The following FAM193B variants were observed in gnomAD, a reference collection of about 807,000 sequenced individuals.
FAM193B encodes protein FAM193B.
A neutral mutation model predicts 70.7 loss-of-function variants in FAM193B; 27 were observed. The observed-to-expected ratio is 0.38, with a 90% CI of 0.28 to 0.53. The LOEUF is 0.53. Among genes scored for constraint, FAM193B ranks in the 20% least tolerant of loss-of-function variants. The pLI is 0.81. For synonymous variants in FAM193B, 448 were observed against 436.0 expected (o/e 1.03, Z -0.34); for missense variants, 1,022 against 1,072.5 (o/e 0.95, Z 0.66).
Position 177,532,394 on chromosome 5 carries a change from T to C in FAM193B, c.1275+49A>G, listed in dbSNP as rs1488928615. On this transcript the variant is annotated intron_variant, in intron 5 of 8. Coordinates refer to ENST00000514747, the MANE Select transcript of FAM193B (RefSeq NM_001190946.3). This position sits in a 1 kb window ranked among gnomAD's most constrained non-coding sequence, Gnocchi z 4.9. ...GGGGAGAGCAGGGTGCTCCTTTTGCTCACCTTGGCTGGCCCCCAGCCCTCT... is the reference window on the plus strand; with the variant it reads ...GGGGAGAGCAGGGTGCTCCTTTTGCCCACCTTGGCTGGCCCCCAGCCCTCT... 6.4e-7 allele frequency: 1 copy of C among 1,566,912 alleles called. No individual in the cohort carries two copies. Among genetic ancestry groups the C allele is most frequent in the African/African-American group, 1.4e-5 (1 of 73,360 alleles).
At chr5:177,535,019 T>C (rs552165288) in intron 4 of FAM193B, among the ~76,000 whole-genome samples, 1 of 152,316 alleles carries the variant, frequency 6.6e-6, no homozygotes, top group South Asian at 2.1e-4. Context: ...GGATAGCAGT[T>C]TTTCAATGTG....
intron 4 of FAM193B, among the ~76,000 whole-genome samples, chr5:177,536,099 A>G (rs1162887127): frequency 6.6e-6 from 1 of 151,788 alleles, no homozygotes; most frequent in Non-Finnish European, 1.5e-5. Flanking sequence ...TTTTGTAGAG[A>G]GGGGGGTCTT....
At chr5:177,523,647 G>C (rs1762114097) in intron 7 of FAM193B, among the ~76,000 whole-genome samples, 2 of 152,222 alleles carry the variant, frequency 1.3e-5, no homozygotes, top group South Asian at 4.1e-4. Context: ...ATTGACCTCA[G>C]CCCAGGCAAA....
intron 4 of FAM193B, among the ~76,000 whole-genome samples, chr5:177,534,502 C>T (rs923344748): frequency 3.3e-5 from 5 of 151,764 alleles, no homozygotes; most frequent in African/African-American, 1.2e-4. Context: ...TGAGGTTTCA[C>T]CATGCTGGCC....
rs775391149 is a variant in FAM193B, at chr5:177,536,388, G to A, written c.1046C>T (p.Pro349Leu). The A allele has an allele frequency of 3.8e-5, 61 of 1,609,234 alleles. No homozygotes were observed. The Middle Eastern group carries it at 5.0e-4, about 13-fold the overall frequency. ...GHCSGPLLPPPSSQPLPSTHR... is the reference protein window; with the variant it reads ...GHCSGPLLPPLSSQPLPSTHR... ...AGTGCTAGGGAGTGGCTGAGAGCTC[G>A]GGGGTGGGAGGAGAGGCCCACTGCA... The change falls in exon 4 of 9, where the codon CCG becomes CTG. Residue 349 changes from proline to leucine, a missense_variant. Pro to Leu is a moderately conservative substitution (Grantham distance 98, BLOSUM62 -3). Transcript: ENST00000514747.
intron 8 of FAM193B, among the ~76,000 whole-genome samples, chr5:177,521,170 G>A (rs146304360): frequency 0.019 from 2,820 of 152,282 alleles, 47 homozygotes; most frequent in Middle Eastern, 0.034. Context: ...TGACCCCAGG[G>A]ACACAGCTGA....
At chr5:177,549,603 A>G (rs898548945) in intron 1 of FAM193B, among the ~76,000 whole-genome samples, 11 of 152,252 alleles carry the variant, frequency 7.2e-5, no homozygotes, top group African/African-American at 2.4e-4. Context: ...CCGATGCTAT[A>G]TCTCCTTCTA....
chr5:177,528,824 G>A (rs529215180), intron 5 of FAM193B, among the ~76,000 whole-genome samples: 2 of 152,300 alleles, frequency 1.3e-5, no homozygotes, highest in East Asian at 1.9e-4. Context: ...ACGGGAACTC[G>A]GCAATCGGGA....
chr5:177,531,796 G>A (rs887010189), intron 5 of FAM193B: 1 of 924,932 alleles, frequency 1.1e-6, no homozygotes, highest in Admixed American at 3.8e-5. Context: ...GAAGCTGTAT[G>A]ACCTTGGGCG....
intron 5 of FAM193B, among the ~76,000 whole-genome samples, chr5:177,530,329 A>C (rs1763259162): frequency 6.6e-6 from 1 of 152,194 alleles, no homozygotes; most frequent in Non-Finnish European, 1.5e-5. Flanking sequence ...ACATGCCTCA[A>C]CTGAATTCAC....
rs1762338999 is a variant in FAM193B at position 177,524,802 on chromosome 5, A to C, written c.1679T>G (p.Met560Arg). 2.0e-6 allele frequency: 3 copies of C among 1,511,094 alleles called. No homozygotes were observed. The highest frequency in any genetic ancestry group is 2.6e-6 in the Non-Finnish European group (3 of 1,132,346). The allele number at this position is 1,511,094 out of a possible 1,614,324, so 93.6% of individuals were successfully genotyped here. Reference sequence around the variant, plus strand: ...TGTCCATGGTGGGTGGGGGCCTCTCATTTCTGCCCATGGTGGGGCTGGCTC... The same window carrying C: ...TGTCCATGGTGGGTGGGGGCCTCTCCTTTCTGCCCATGGTGGGGCTGGCTC... ...PGEPAPPWAEMRGPHPPWTEV... is the reference protein window; with the variant it reads ...PGEPAPPWAERRGPHPPWTEV... The change falls in exon 6 of 9, where the codon ATG becomes AGG. Residue 560 changes from methionine to arginine, a missense_variant. Transcript: ENST00000514747.
intron 4 of FAM193B, among the ~76,000 whole-genome samples, chr5:177,535,910 C>A (rs1039736062): frequency 3.8e-5 from 5 of 130,394 alleles, no homozygotes; most frequent in African/African-American, 1.5e-4. Context: ...AACAAAAAAA[C>A]CCCACATACT....
intron 4 of FAM193B, among the ~76,000 whole-genome samples, chr5:177,533,610 C>T (rs1581885669): frequency 6.6e-6 from 1 of 152,116 alleles, no homozygotes; most frequent in Non-Finnish European, 1.5e-5. Context: ...CCGGCCTTGG[C>T]ATATTATTTC....
At chr5:177,549,072 A>G (rs917311554) in intron 1 of FAM193B, among the ~76,000 whole-genome samples, 1 of 151,842 alleles carries the variant, frequency 6.6e-6, no homozygotes, top group East Asian at 1.9e-4. Flanking sequence ...CCTCTAGGTT[A>G]TGTCTTGGGC....
chr5:177,554,015 G>A, intron 1 of FAM193B: 1 of 1,317,684 alleles, frequency 7.6e-7, no homozygotes, highest in Non-Finnish European at 9.7e-7. Flanking sequence ...AGGCGGCGGG[G>A]AGAGGGGAGC....
At position 177,533,306 on chromosome 5, in the gene FAM193B, A is replaced by AT. The variant is rs1394909751; in HGVS notation, c.1077-666dup. Among the ~76,000 whole-genome samples the AT allele has an allele frequency of 4.0e-3, 572 of 141,322 alleles. 1 individual carries two copies. The highest frequency in any genetic ancestry group is 0.014 in the East Asian group (67 of 4,936). The allele number at this position is 141,322 out of a possible 152,430, so 92.7% of individuals were successfully genotyped here. ...GTTTGTGCCAGGTTCTAGAGTCGGC[A>AT]TTTTTTTTTTTTTTTTGAGACGGAG... On this transcript the variant is annotated intron_variant, in intron 4 of 8. Transcript: ENST00000514747.
At chr5:177,549,975 G>A (rs1190711180) in intron 1 of FAM193B, among the ~76,000 whole-genome samples, 6 of 152,104 alleles carry the variant, frequency 3.9e-5, no homozygotes, top group African/African-American at 1.4e-4. Context: ...TTCTAGATGA[G>A]GTAAGTAAAG....
intron 1 of FAM193B, 182 bp downstream of exon 1, chr5:177,554,067 T>C (rs754079070): frequency 7.4e-7 from 1 of 1,359,830 alleles, no homozygotes; most frequent in African/African-American, 1.5e-5. Flanking sequence ...AGCCTCGGCT[T>C]TGGGGAGAGG....
intron 5 of FAM193B, among the ~76,000 whole-genome samples, chr5:177,529,726 A>G (rs1487779843): frequency 1.3e-5 from 2 of 152,226 alleles, no homozygotes; most frequent in South Asian, 2.1e-4. Flanking sequence ...CTGAGCACAC[A>G]TATTTACGAA....
Sources: allele counts gnomAD v4.1 joint callset (sites outside exome capture counted in the v4.1 genomes callset), GRCh38; gene constraint gnomAD v4.1.1; non-coding constraint Gnocchi (gnomAD v3.1); transcripts MANE v1.5; gene names NCBI Gene and HGNC (gene_info 2026-07-23, HGNC 2026-07-21).